The following ACYP2 variants were observed in gnomAD, a reference collection of about 807,000 sequenced individuals.
The protein encoded by ACYP2 is acylphosphatase-2.
A neutral mutation model predicts 11.2 loss-of-function variants in ACYP2; 12 were observed. That is an observed-to-expected ratio of 1.08 (90% CI 0.69 to 1.74). ACYP2 has a LOEUF of 1.74. Among genes scored for constraint, ACYP2 ranks in the 40% most tolerant of loss-of-function variants. The probability of loss-of-function intolerance (pLI) is 0.00; values close to 1 mark genes in which losing one functional copy is unlikely to be tolerated. For synonymous variants in ACYP2, 43 were observed against 32.2 expected, an observed-to-expected ratio of 1.33 and a Z score of -1.13; for missense variants, 134 against 101.9, an observed-to-expected ratio of 1.31 and a Z score of -1.35.
chr2:54,070,054 T>C (rs796451797), intron 4 of ACYP2, among the ~76,000 whole-genome samples: 95 of 152,326 alleles, frequency 6.2e-4, no homozygotes, highest in African/African-American at 1.8e-3. Flanking sequence ...GCAGATCACC[T>C]GAGGTCAGGA....
rs561698084 is a variant in ACYP2, at chr2:54,302,281, G to C, written c.405-2407G>C. On this transcript the variant is annotated intron_variant, in intron 6 of 6. Transcript: ENST00000607452. ...GCTCCTGCTCCTGCCAAAGTCACAG[G>C]TGACATCGACGTTGCTAAACACAAT... Among the ~76,000 whole-genome samples, 3 of 152,262 alleles carry C rather than the reference G, an allele frequency of 2.0e-5. No individual in the cohort carries two copies. The South Asian group carries it at 6.2e-4, about 32-fold the overall frequency.
chr2:54,255,731 C>T (rs2104023961), intron 6 of ACYP2: 2 of 1,614,048 alleles, frequency 1.2e-6, no homozygotes, highest in East Asian at 2.2e-5. Flanking sequence ...TCTGCAATCA[C>T]TTCAGACTCC....
chr2:54,083,358 T>G (rs960289261), intron 4 of ACYP2, among the ~76,000 whole-genome samples: 1 of 152,196 alleles, frequency 6.6e-6, no homozygotes, highest in African/African-American at 2.4e-5. Flanking sequence ...TTATTTCCCA[T>G]TCTAGTTGAA....
At chr2:54,151,256 T>C (rs1041074494) in intron 6 of ACYP2, among the ~76,000 whole-genome samples, 3 of 152,178 alleles carry the variant, frequency 2.0e-5, no homozygotes, top group Admixed American at 2.0e-4. Flanking sequence ...GTTGTGACAA[T>C]GGTAAATTGA....
intron 2 of ACYP2, among the ~76,000 whole-genome samples, chr2:54,045,691 C>A (rs1675484012): frequency 6.6e-6 from 1 of 152,046 alleles, no homozygotes; most frequent in African/African-American, 2.4e-5. Flanking sequence ...TGGCAGTCGC[C>A]TGTAGTCCCA....
chr2:54,243,505 T>C (rs952817561), intron 6 of ACYP2, among the ~76,000 whole-genome samples: 8 of 152,086 alleles, frequency 5.3e-5, no homozygotes, highest in East Asian at 1.9e-4. Flanking sequence ...TTCATTCATT[T>C]ATTTTTTGAG....
intron 2 of ACYP2, among the ~76,000 whole-genome samples, chr2:53,979,345 C>G (rs1671642704): frequency 2.0e-5 from 3 of 151,924 alleles, no homozygotes; most frequent in Admixed American, 2.0e-4. Flanking sequence ...AATTAGGATA[C>G]AAGCTGGGTC....
intron 4 of ACYP2, among the ~76,000 whole-genome samples, chr2:54,061,870 T>G (rs1676488162): frequency 6.6e-6 from 1 of 152,088 alleles, no homozygotes. Flanking sequence ...GCCCAAGAGT[T>G]TGTGACTACC....
At chr2:54,173,428 G>A (rs186482769) in intron 6 of ACYP2, among the ~76,000 whole-genome samples, 1 of 152,228 alleles carries the variant, frequency 6.6e-6, no homozygotes, top group East Asian at 1.9e-4. Context: ...GTTCTTTGTA[G>A]ATTCTGGATA....
intron 1 of ACYP2, among the ~76,000 whole-genome samples, chr2:53,972,671 C>G (rs1228947506): frequency 6.6e-6 from 1 of 152,044 alleles, no homozygotes; most frequent in African/African-American, 2.4e-5. Context: ...AGATTGGGAA[C>G]TGGAGGACCC....
At position 53,996,293 on chromosome 2, in the gene ACYP2, A is replaced by T. The variant is rs181008103; in HGVS notation, c.62+22483A>T. 2.7e-3 allele frequency among the ~76,000 whole-genome samples: 404 copies of T among 152,290 alleles called. 1 individual carries two copies. Among genetic ancestry groups the T allele is most frequent in the African/African-American group, 9.5e-3 (395 of 41,562 alleles). The stretch of plus-strand genomic sequence containing the variant: ...GAAGCAGACACTGAAATAAAGTTGG[A>T]AGTGCAAGAAGTGTAGGGGGTGGAA... On this transcript the variant is annotated intron_variant, in intron 2 of 6. Transcript: ENST00000607452.
At chr2:54,092,963 T>C (rs1051057367) in intron 4 of ACYP2, among the ~76,000 whole-genome samples, 1 of 152,218 alleles carries the variant, frequency 6.6e-6, no homozygotes, top group African/African-American at 2.4e-5. Flanking sequence ...GACCCATTGA[T>C]GGTGGGGTAC....
chr2:54,262,302 C>G (rs1687814855), intron 6 of ACYP2, among the ~76,000 whole-genome samples: 1 of 152,168 alleles, frequency 6.6e-6, no homozygotes, highest in Non-Finnish European at 1.5e-5. Flanking sequence ...ACCAAAATAC[C>G]AGTATTTATA....
chr2:53,986,582 G>A (rs190496622), intron 2 of ACYP2, among the ~76,000 whole-genome samples: 69 of 148,256 alleles, frequency 4.7e-4, no homozygotes, highest in African/African-American at 1.6e-3. Context: ...AGTGATCCTC[G>A]GCCTCCCAAA....
intron 6 of ACYP2, among the ~76,000 whole-genome samples, chr2:54,296,058 C>A (rs762223992): frequency 3.3e-5 from 5 of 152,206 alleles, no homozygotes; most frequent in Non-Finnish European, 5.9e-5. Context: ...AGCACCCAGC[C>A]TGATCCTGCC....
intron 2 of ACYP2, among the ~76,000 whole-genome samples, chr2:54,018,909 G>A (rs1285592170): frequency 1.3e-5 from 2 of 151,852 alleles, no homozygotes; most frequent in Admixed American, 1.3e-4. Context: ...CACCACACCT[G>A]GCTAATTTTT....
intron 6 of ACYP2, among the ~76,000 whole-genome samples, chr2:54,187,297 A>G (rs146708329): frequency 3.1e-4 from 47 of 152,268 alleles, no homozygotes; most frequent in Middle Eastern, 3.4e-3. Flanking sequence ...AACCTCAGGG[A>G]TGTCATTGGC....
At chr2:54,153,475 T>TCC (rs1682283615) in intron 6 of ACYP2, among the ~76,000 whole-genome samples, 2 of 150,626 alleles carry the variant, frequency 1.3e-5, no homozygotes, top group African/African-American at 4.9e-5. Flanking sequence ...TTTTTTTTTT[T>TCC]CATGTGTGTG....
At chr2:54,077,673 T>C (rs978987466) in intron 4 of ACYP2, among the ~76,000 whole-genome samples, 5 of 152,182 alleles carry the variant, frequency 3.3e-5, no homozygotes, top group African/African-American at 1.2e-4. Context: ...AAGCAGCCCT[T>C]CAAGGAGGCT....
Sources: allele counts gnomAD v4.1 joint callset (sites outside exome capture counted in the v4.1 genomes callset), GRCh38; gene constraint gnomAD v4.1.1; transcripts MANE v1.5; gene names NCBI Gene and HGNC (gene_info 2026-07-23, HGNC 2026-07-21).